FHL1: variants seen among roughly 807,000 people sequenced by gnomAD.
The protein encoded by FHL1 is four and a half LIM domains 1, also known as four and a half LIM domains protein 1.
FHL1 carries 1 observed loss-of-function variant against 20.3 expected under a neutral mutation model. That is an observed-to-expected ratio of 0.05 (90% CI 0.02 to 0.23). The LOEUF is 0.23. FHL1 is among the 10% of genes least tolerant of loss of function. The probability of loss-of-function intolerance (pLI) is 1.00; values close to 1 mark genes in which losing one functional copy is unlikely to be tolerated. For synonymous variants in FHL1, 82 were observed against 88.9 expected (o/e 0.92, Z 0.44); for missense variants, 177 against 234.0 (o/e 0.76, Z 1.59).
Position 136,210,070 on chromosome X carries a change from T to C in FHL1, c.*45T>C. 1 of 1,208,342 alleles carries C rather than the reference T, an allele frequency of 8.3e-7. No individual in the cohort carries two copies. Among genetic ancestry groups the C allele is most frequent in the Non-Finnish European group, 1.1e-6 (1 of 892,645 alleles). ...CTGTAAAATGGCATTTGAATCTCGT[T>C]CTTTGTGTCCTTACTTTCTGCCCTA... On this transcript the variant is annotated 3_prime_UTR_variant, in exon 6 of 6. Coordinates refer to ENST00000370683, the MANE Select transcript of FHL1 (RefSeq NM_001159699.2).
At chrX:136,181,355 A>G (rs1254327284) in intron 2 of FHL1, among the ~76,000 whole-genome samples, 2 of 111,945 alleles carry the variant, frequency 1.8e-5, no homozygotes, top group East Asian at 5.6e-4. Flanking sequence ...CCATAAAAGG[A>G]GAGAGATGGT....
chrX:136,206,170 C>T, intron 1 of FHL1: 1 of 453,633 alleles, frequency 2.2e-6, no homozygotes, highest in Non-Finnish European at 3.9e-6. Flanking sequence ...ACCATCTCCC[C>T]AGGGAATCAC....
chrX:136,186,135 A>G (rs565065668), intron 2 of FHL1, among the ~76,000 whole-genome samples: 1 of 111,914 alleles, frequency 8.9e-6, no homozygotes, highest in Non-Finnish European at 1.9e-5. Context: ...CTAATCCATC[A>G]TGGTGTGGCA....
At chrX:136,174,492 C>A (rs1225044955) in intron 2 of FHL1, among the ~76,000 whole-genome samples, 1 of 111,405 alleles carries the variant, frequency 9.0e-6, no homozygotes, top group African/African-American at 3.3e-5. Flanking sequence ...GATCTGAGGA[C>A]CTCCCTCTCT....
upstream of FHL1, among the ~76,000 whole-genome samples, chrX:136,194,197 T>C (rs372778599): frequency 5.3e-5 from 6 of 112,414 alleles, no homozygotes; most frequent in East Asian, 1.1e-3. Context: ...GTAATACTTG[T>C]AAGGCTCTGC....
upstream of FHL1, among the ~76,000 whole-genome samples, chrX:136,168,930 A>G (rs1258341341): frequency 9.0e-6 from 1 of 111,213 alleles, no homozygotes; most frequent in Non-Finnish European, 1.9e-5. Flanking sequence ...TTCCATCTAT[A>G]CTTCTTGAGA....
Position 136,208,670 on chromosome X carries a change from C to A in FHL1, c.736+29C>A, listed in dbSNP as rs763832933. ...GGCTAAAGAGTCCTTGCTAAGTCTG[C>A]CAGGCTAGGTTTTGCGCATGGTAAC... On this transcript the variant is annotated intron_variant, in intron 5 of 5. Transcript: ENST00000370683. The A allele has an allele frequency of 5.9e-6, 7 of 1,180,908 alleles. No homozygotes were observed. The South Asian group carries it at 1.1e-4, about 18-fold the overall frequency.
intron 2 of FHL1, among the ~76,000 whole-genome samples, chrX:136,170,999 C>A (rs901624547): frequency 2.8e-4 from 31 of 111,719 alleles, no homozygotes; most frequent in Non-Finnish European, 9.4e-5. Flanking sequence ...CTTCAAATAC[C>A]TAAATGTATT....
At chrX:136,208,390 C>A in intron 4 of FHL1, 65 bp from the exon 5 acceptor site, 1 of 1,129,630 alleles carries the variant, frequency 8.9e-7, no homozygotes, top group Non-Finnish European at 1.2e-6. Flanking sequence ...CAGTGCCTGG[C>A]ACGCAGTAGG....
chrX:136,155,370 T>C (rs2072386677), intron 1 of FHL1, among the ~76,000 whole-genome samples: 1 of 112,150 alleles, frequency 8.9e-6, no homozygotes, highest in African/African-American at 3.2e-5. Context: ...TATACAGAAA[T>C]GTCATTGACA....
intron 2 of FHL1, among the ~76,000 whole-genome samples, chrX:136,186,781 G>C (rs1569529354): frequency 9.3e-6 from 1 of 107,715 alleles, no homozygotes; most frequent in Non-Finnish European, 1.9e-5. Context: ...TTGAGCCCGG[G>C]AGGCAGAGGT....
chrX:136,186,869 TATATATATATATAGATAG>T (rs1478922788), intron 2 of FHL1, among the ~76,000 whole-genome samples: 8 of 61,410 alleles, frequency 1.3e-4, no homozygotes, highest in African/African-American at 5.4e-4. Context: ...AAAAAAAATA[TATATATATATATAGATAG>T]ATAGATAGAT....
At chrX:136,197,020 T>G, upstream of FHL1, 1 of 1,094,892 alleles carries the variant, frequency 9.1e-7, no homozygotes, top group Non-Finnish European at 1.3e-6. Flanking sequence ...CCGCTTCCCC[T>G]TAAATGTATG....
chrX:136,151,509 C>G (rs1032836400), intron 1 of FHL1, among the ~76,000 whole-genome samples: 1 of 111,742 alleles, frequency 8.9e-6, no homozygotes, highest in Non-Finnish European at 1.9e-5. Flanking sequence ...CCCAGGAGTT[C>G]GAGACCAGTC....
chrX:136,188,655 G>T (rs968870905), intron 2 of FHL1, among the ~76,000 whole-genome samples: 1 of 111,146 alleles, frequency 9.0e-6, no homozygotes, highest in African/African-American at 3.3e-5. Flanking sequence ...GCAATGGTCT[G>T]TCTACACAAT....
intron 2 of FHL1, among the ~76,000 whole-genome samples, chrX:136,181,034 C>T (rs748437377): frequency 4.4e-5 from 5 of 112,591 alleles, no homozygotes; most frequent in South Asian, 3.6e-4. Context: ...TGAGCCACCG[C>T]GCCCGGCCCT....
upstream of FHL1, among the ~76,000 whole-genome samples, chrX:136,168,693 C>A (rs1360736060): frequency 9.0e-6 from 1 of 111,629 alleles, no homozygotes; most frequent in East Asian, 2.8e-4. Context: ...TTATCTTCAG[C>A]CTTTTCTTCC....
intron 1 of FHL1, among the ~76,000 whole-genome samples, chrX:136,151,846 T>G (rs186042410): frequency 7.1e-5 from 8 of 112,465 alleles, no homozygotes; most frequent in African/African-American, 2.6e-4. Flanking sequence ...TTCTCTTCAT[T>G]TTATAAATGA....
At chrX:136,152,719 C>CAAAAAA (rs768022110) in intron 1 of FHL1, among the ~76,000 whole-genome samples, 2 of 53,003 alleles carry the variant, frequency 3.8e-5, no homozygotes, top group Non-Finnish European at 6.3e-5. Flanking sequence ...GACTCCATCT[C>CAAAAAA]AAAAAAAAAA....
Sources: allele counts gnomAD v4.1 joint callset (sites outside exome capture counted in the v4.1 genomes callset), GRCh38; gene constraint gnomAD v4.1.1; transcripts MANE v1.5; gene names NCBI Gene and HGNC (gene_info 2026-07-23, HGNC 2026-07-21).